The following EBF3 variants were observed in gnomAD, a reference collection of about 807,000 sequenced individuals.
EBF3 encodes transcription factor COE3.
Under a neutral mutation model 77.1 loss-of-function variants are expected in EBF3, and 18 were observed. The observed-to-expected ratio is 0.23, with a 90% CI of 0.16 to 0.35. EBF3 has a LOEUF of 0.35. Ranked by LOEUF, EBF3 falls within the 10% of genes least tolerant of loss-of-function variation. The pLI, the probability that EBF3 is intolerant of heterozygous loss-of-function variation, is 1.00. For synonymous variants in EBF3, 350 were observed against 343.5 expected (o/e 1.02, Z -0.21); for missense variants, 558 against 860.0 (o/e 0.65, Z 4.39).
Position 129,837,816 on chromosome 10 carries a change from G to T in EBF3, c.*127C>A. 7.9e-7 allele frequency: 1 copy of T among 1,258,392 alleles called. No individual in the cohort carries two copies. The highest frequency in any genetic ancestry group is 1.3e-5 in the South Asian group (1 of 75,754). 78.0% of individuals were successfully genotyped at this position (1,258,392 alleles called of 1,614,324 possible). On this transcript the variant is annotated 3_prime_UTR_variant, in exon 17 of 17. Coordinates refer to ENST00000440978, the MANE Select transcript of EBF3 (RefSeq NM_001375380.1). ...CAAAGTCTTTTGTAGCATTTCAATT[G>T]CTGCTGATTTTTTTGAAGATACTGT...
At chr10:129,838,461 C>T (rs1849764110) in intron 16 of EBF3, among the ~76,000 whole-genome samples, 1 of 152,138 alleles carries the variant, frequency 6.6e-6, no homozygotes, top group Non-Finnish European at 1.5e-5. Context: ...GGGCTCTGAC[C>T]GTGCGGTCAT....
Position 129,842,219 on chromosome 10 carries a change from G to T in EBF3, c.1269C>A (p.Pro423=). 6.2e-7 allele frequency: 1 copy of T among 1,614,204 alleles called. No homozygotes were observed. The highest frequency in any genetic ancestry group is 1.1e-5 in the South Asian group (1 of 91,084). The stretch of plus-strand genomic sequence containing the variant: ...TGTGTGCAGGGTTGTTGCCCAGGGT[G>T]GGGATCTGGTTGTGATTGCGGGGAA... ...YSVPRNHNQI[P]TLGNNPAHTG... is the part of the protein sequence containing the mutation. Residue 423 remains proline (P), a synonymous_variant, in exon 13 of 17, where the codon CCC becomes CCA. Transcript: ENST00000440978. This position sits in a 1 kb window ranked among gnomAD's most constrained non-coding sequence, Gnocchi z 4.4.
intron 6 of EBF3, among the ~76,000 whole-genome samples, chr10:129,942,965 T>C (rs1408076283): frequency 6.6e-6 from 1 of 152,168 alleles, no homozygotes; most frequent in Non-Finnish European, 1.5e-5. Flanking sequence ...GCAAGATACA[T>C]TCTAATTTAC....
In EBF3 at chr10:129,897,932, TTC is replaced by T. The variant is rs1214503733; in HGVS notation, c.555-20085_555-20084del. 6.6e-6 allele frequency among the ~76,000 whole-genome samples: 1 copy of T among 152,182 alleles called. No homozygotes were observed. The highest frequency in any genetic ancestry group is 1.5e-5 in the Non-Finnish European group (1 of 68,032). On this transcript the variant is annotated intron_variant, in intron 6 of 16. Coordinates refer to ENST00000440978, the MANE Select transcript of EBF3 (RefSeq NM_001375380.1). The surrounding 1 kb of genome is among the most constrained non-coding windows in gnomAD (Gnocchi z 4.6). ...TTTCCTGGTGAGGAATTTCAAATAA[TTC>T]TGTTATAAATGCCTAAAGCTGGGGC...
At position 129,835,430 on chromosome 10, in the gene EBF3, C is replaced by T. The variant is rs535143516; in HGVS notation, c.*2513G>A. 16 of 152,332 alleles carry T rather than the reference C, an allele frequency of 1.1e-4. No individual in the cohort carries two copies. Among genetic ancestry groups the T allele is most frequent in the African/African-American group, 3.9e-4 (16 of 41,536 alleles). The allele number at this position is 152,332 out of a possible 1,614,324, so 9.4% of individuals were successfully genotyped here. On this transcript the variant is annotated 3_prime_UTR_variant, in exon 17 of 17. Coordinates refer to ENST00000440978, the MANE Select transcript of EBF3 (RefSeq NM_001375380.1). ...TCTACCATTTAGTGAAGTGCTCAGTCTTGAGACAGTGAAGTGATGTGGGCA... is the reference window on the plus strand; with the variant it reads ...TCTACCATTTAGTGAAGTGCTCAGTTTTGAGACAGTGAAGTGATGTGGGCA...
intron 6 of EBF3, among the ~76,000 whole-genome samples, chr10:129,902,208 G>A (rs1016836972): frequency 1.3e-5 from 2 of 149,892 alleles, no homozygotes; most frequent in South Asian, 2.1e-4. Flanking sequence ...GTTAGCTGGG[G>A]AAACACAAGG....
chr10:129,929,170 G>A (rs959978789), intron 6 of EBF3, among the ~76,000 whole-genome samples: 1 of 152,184 alleles, frequency 6.6e-6, no homozygotes, highest in East Asian at 1.9e-4. Flanking sequence ...AACATTTGTA[G>A]GAGGATGGTC....
At chr10:129,909,764 G>A (rs934905680) in intron 6 of EBF3, among the ~76,000 whole-genome samples, 2 of 152,180 alleles carry the variant, frequency 1.3e-5, no homozygotes, top group Admixed American at 1.3e-4. Flanking sequence ...AGCCGCCAAG[G>A]CCCTGGGGTC....
chr10:129,856,593 A>G (rs1219109106), intron 10 of EBF3, among the ~76,000 whole-genome samples: 1 of 152,126 alleles, frequency 6.6e-6, no homozygotes, highest in Admixed American at 6.5e-5. Context: ...GGAAAGGAAA[A>G]CCAAGGCACA....
At chr10:129,913,568 G>C (rs540336329) in intron 6 of EBF3, among the ~76,000 whole-genome samples, 1 of 152,290 alleles carries the variant, frequency 6.6e-6, no homozygotes, top group Non-Finnish European at 1.5e-5. Flanking sequence ...CAGCCTGACG[G>C]TCCTGAGGCT....
chr10:129,858,269 C>T (rs1306587923), intron 10 of EBF3, among the ~76,000 whole-genome samples: 2 of 152,202 alleles, frequency 1.3e-5, no homozygotes, highest in African/African-American at 4.8e-5. Flanking sequence ...ACTCAGTGGA[C>T]TTCTGAAACA....
intron 6 of EBF3, among the ~76,000 whole-genome samples, chr10:129,909,328 C>G (rs1254213249): frequency 6.6e-6 from 1 of 152,222 alleles, no homozygotes; most frequent in Non-Finnish European, 1.5e-5. Flanking sequence ...CAATTCACAC[C>G]AGCAGCTCCT....
At position 129,896,314 on chromosome 10, in the gene EBF3, G is replaced by C. The variant is rs183695847; in HGVS notation, c.555-18465C>G. Among the ~76,000 whole-genome samples the C allele has an allele frequency of 2.6e-3, 402 of 152,364 alleles. 2 individuals carry two copies. Among genetic ancestry groups the C allele is most frequent in the African/African-American group, 9.1e-3 (377 of 41,586 alleles). On this transcript the variant is annotated intron_variant, in intron 6 of 16. Transcript: ENST00000440978. ...AGCCACCATGCAAAAACAAGCCCGA[G>C]CTCAGCTGGTGCTGGGAAGATTCAC...
At chr10:129,933,367 G>A (rs1038124241) in intron 6 of EBF3, among the ~76,000 whole-genome samples, 1 of 152,214 alleles carries the variant, frequency 6.6e-6, no homozygotes, top group Admixed American at 6.5e-5. Context: ...GGGACGCCCC[G>A]AGTATGGGGA....
intron 7 of EBF3, among the ~76,000 whole-genome samples, chr10:129,875,578 A>C (rs1296016749): frequency 6.6e-6 from 1 of 152,214 alleles, no homozygotes; most frequent in African/African-American, 2.4e-5. Context: ...AAATGCCCTC[A>C]TCGGGGGCAG....
intron 10 of EBF3, among the ~76,000 whole-genome samples, chr10:129,851,835 A>G (rs1215428942): frequency 2.0e-5 from 3 of 152,254 alleles, no homozygotes; most frequent in African/African-American, 7.2e-5. Context: ...ATAAGATATT[A>G]ACATTCCTCA....
intron 7 of EBF3, among the ~76,000 whole-genome samples, chr10:129,874,385 G>A (rs895061155): frequency 2.1e-4 from 32 of 152,154 alleles, no homozygotes; most frequent in African/African-American, 7.5e-4. Context: ...AGGGAGAAAC[G>A]AAAAGGGCCA....
chr10:129,856,271 G>T (rs1331399164), intron 10 of EBF3, among the ~76,000 whole-genome samples: 1 of 151,622 alleles, frequency 6.6e-6, no homozygotes, highest in East Asian at 1.9e-4. Flanking sequence ...GTTTCCATAT[G>T]TTCACAAAAA....
intron 6 of EBF3, among the ~76,000 whole-genome samples, chr10:129,921,258 G>T (rs1043747304): frequency 6.6e-6 from 1 of 152,166 alleles, no homozygotes; most frequent in Non-Finnish European, 1.5e-5. Flanking sequence ...TGACGGCGGG[G>T]GTGGTCACTG....
Sources: allele counts gnomAD v4.1 joint callset (sites outside exome capture counted in the v4.1 genomes callset), GRCh38; gene constraint gnomAD v4.1.1; non-coding constraint Gnocchi (gnomAD v3.1); transcripts MANE v1.5; gene names NCBI Gene and HGNC (gene_info 2026-07-23, HGNC 2026-07-21).